B4GALT6: variants seen among roughly 807,000 people sequenced by gnomAD.
B4GALT6 encodes the protein beta-1,4-galactosyltransferase 6.
Under a neutral mutation model 46.3 loss-of-function variants are expected in B4GALT6, and 14 were observed. The observed-to-expected ratio is 0.30, with a 90% CI of 0.20 to 0.47. The LOEUF (loss-of-function observed/expected upper bound fraction) is 0.47, where lower values mean the gene tolerates loss of function less well. Ranked by LOEUF, B4GALT6 falls within the 20% of genes least tolerant of loss-of-function variation. The pLI, the probability that B4GALT6 is intolerant of heterozygous loss-of-function variation, is 0.99. For missense variants in B4GALT6, 386 were observed against 480.1 expected (o/e 0.80, Z 1.83); for synonymous variants, 168 against 162.0 (o/e 1.04, Z -0.28).
intron 1 of B4GALT6, among the ~76,000 whole-genome samples, chr18:31,669,102 G>A (rs1357523685): frequency 6.6e-6 from 1 of 151,522 alleles, no homozygotes; most frequent in Non-Finnish European, 1.5e-5. Context: ...TTGAATGCCT[G>A]CCCTCTGCCA....
At chr18:31,661,466 T>G (rs1037711126) in intron 2 of B4GALT6, among the ~76,000 whole-genome samples, 9 of 152,182 alleles carry the variant, frequency 5.9e-5, no homozygotes, top group African/African-American at 1.9e-4. Context: ...TGCAAGAATA[T>G]GAATAAATGA....
chr18:31,646,211 C>T (rs984638050), intron 3 of B4GALT6, among the ~76,000 whole-genome samples: 1 of 152,192 alleles, frequency 6.6e-6, no homozygotes, highest in Non-Finnish European at 1.5e-5. Flanking sequence ...ACTGAAAAAC[C>T]ACTTCTGAGG....
intron 1 of B4GALT6, among the ~76,000 whole-genome samples, chr18:31,667,860 G>T (rs1157142993): frequency 2.6e-5 from 4 of 152,110 alleles, no homozygotes; most frequent in Non-Finnish European, 2.9e-5. Flanking sequence ...TTCCTGGGAG[G>T]CCGAGGCGGT....
intron 4 of B4GALT6, among the ~76,000 whole-genome samples, chr18:31,642,909 T>C (rs1223979387): frequency 6.6e-6 from 1 of 152,150 alleles, no homozygotes; most frequent in Non-Finnish European, 1.5e-5. Context: ...AAATTACTAG[T>C]TTTGAAAGAT....
At chr18:31,647,922 T>A (rs773723231) in intron 3 of B4GALT6, among the ~76,000 whole-genome samples, 1 of 152,148 alleles carries the variant, frequency 6.6e-6, no homozygotes, top group Non-Finnish European at 1.5e-5. Context: ...GCCACTTTCA[T>A]CTCTTTCGCG....
At chr18:31,644,984 A>G (rs1202577618) in intron 4 of B4GALT6, among the ~76,000 whole-genome samples, 1 of 152,258 alleles carries the variant, frequency 6.6e-6, no homozygotes, top group Non-Finnish European at 1.5e-5. Context: ...TGGTGAGGCT[A>G]TGCTTGCAGG....
At chr18:31,696,436 A>G in the B4GALT6 span, among the ~76,000 whole-genome samples, 61 of 152,298 alleles carry the variant, frequency 4.0e-4, no homozygotes, top group South Asian at 2.3e-3. Flanking sequence ...TTGATTTATC[A>G]AGTTTTACTT....
chr18:31,718,288 A>T, the B4GALT6 span, among the ~76,000 whole-genome samples: 1 of 152,228 alleles, frequency 6.6e-6, no homozygotes, highest in East Asian at 1.9e-4. Flanking sequence ...GAGGCCAGGG[A>T]TGCTGCTGAA....
intron 3 of B4GALT6, among the ~76,000 whole-genome samples, chr18:31,646,323 G>C (rs2073990481): frequency 6.6e-6 from 1 of 152,142 alleles, no homozygotes; most frequent in Non-Finnish European, 1.5e-5. Flanking sequence ...CATTGAAACA[G>C]GAATGAATCT....
chr18:31,658,111 T>G (rs1408497427), intron 2 of B4GALT6, 22 bp from the exon 3 acceptor site: 3 of 1,389,616 alleles, frequency 2.2e-6, no homozygotes. Context: ...AGAAAAGAGT[T>G]ACAAAAAAAA....
chr18:31,715,268 C>G, the B4GALT6 span, among the ~76,000 whole-genome samples: 489 of 152,260 alleles, frequency 3.2e-3, 5 homozygotes, highest in African/African-American at 0.011. Context: ...CTCTGTCACC[C>G]AGGCTGGAGT....
chr18:31,697,893 C>T, the B4GALT6 span, among the ~76,000 whole-genome samples: 2 of 152,114 alleles, frequency 1.3e-5, no homozygotes, highest in Non-Finnish European at 2.9e-5. Flanking sequence ...TTTTCTATCA[C>T]TATTACAGTT....
At chr18:31,632,351 G>C (rs2073801884) in intron 5 of B4GALT6, among the ~76,000 whole-genome samples, 1 of 152,112 alleles carries the variant, frequency 6.6e-6, no homozygotes, top group Non-Finnish European at 1.5e-5. Context: ...ATCAACATCA[G>C]CTTTAACAAA....
the B4GALT6 span, among the ~76,000 whole-genome samples, chr18:31,695,508 G>T: frequency 2.0e-5 from 3 of 152,006 alleles, no homozygotes; most frequent in Non-Finnish European, 4.4e-5. Flanking sequence ...TATCTAGGCT[G>T]CCTGGACCTC....
At chr18:31,694,409 A>G in the B4GALT6 span, among the ~76,000 whole-genome samples, 6 of 152,238 alleles carry the variant, frequency 3.9e-5, no homozygotes, top group African/African-American at 7.2e-5. Context: ...TTCCTTACCC[A>G]GAACACAAAT....
the B4GALT6 span, among the ~76,000 whole-genome samples, chr18:31,723,650 G>C: frequency 6.6e-6 from 1 of 152,008 alleles, no homozygotes; most frequent in Non-Finnish European, 1.5e-5. Context: ...TTTATTCCCC[G>C]GCAGCCCCTG....
the B4GALT6 span, among the ~76,000 whole-genome samples, chr18:31,701,968 T>C: frequency 2.0e-5 from 3 of 152,110 alleles, no homozygotes; most frequent in Non-Finnish European, 2.9e-5. Flanking sequence ...AAAAAGCACT[T>C]ACATAAGAAG....
chr18:31,625,878 C>A, intron 8 of B4GALT6, 117 bp from the exon 9 acceptor site: 1 of 825,252 alleles, frequency 1.2e-6, no homozygotes, highest in Admixed American at 3.8e-5. Context: ...TTTACAATTT[C>A]TGGTTCTTGT....
At chr18:31,651,212 C>A (rs956661061) in intron 3 of B4GALT6, among the ~76,000 whole-genome samples, 7 of 152,144 alleles carry the variant, frequency 4.6e-5, no homozygotes, top group African/African-American at 1.7e-4. Flanking sequence ...AGCTACAGGT[C>A]CCATCCTTGC....
Sources: allele counts gnomAD v4.1 joint callset (sites outside exome capture counted in the v4.1 genomes callset), GRCh38; gene constraint gnomAD v4.1.1; transcripts MANE v1.5; gene names NCBI Gene and HGNC (gene_info 2026-07-23, HGNC 2026-07-21).